Variants in VWF observed in about 807,000 individuals in gnomAD.
VWF encodes von Willebrand factor, also known as Factor VIII related antigen.
VWF carries 176 observed loss-of-function variants against 308.6 expected under a neutral mutation model. That is an observed-to-expected ratio of 0.57 (90% CI 0.50 to 0.65). The LOEUF (loss-of-function observed/expected upper bound fraction) is 0.65, where lower values mean the gene tolerates loss of function less well. VWF is among the 30% of genes least tolerant of loss of function. VWF has a pLI of 0.00. For synonymous variants in VWF, 1,385 were observed against 1,443.4 expected (o/e 0.96, Z 0.92); for missense variants, 3,146 against 3,648.2 (o/e 0.86, Z 3.55).
chr12:6,034,372 G>A (rs71582866), intron 20 of VWF, among the ~76,000 whole-genome samples: 1,934 of 152,314 alleles, frequency 0.013, 28 homozygotes, highest in African/African-American at 0.034. Flanking sequence ...AGAAGGAACA[G>A]ATGACTTTTT....
At chr12:6,018,291 G>A (rs191806885) in intron 28 of VWF, 74 bp downstream of exon 28, 192 of 1,534,908 alleles carry the variant, frequency 1.3e-4, no homozygotes, top group Non-Finnish European at 1.6e-4. Flanking sequence ...TCGTATCTTG[G>A]CAGATGCATG....
chr12:5,993,044 A>C (rs888069067), intron 37 of VWF, among the ~76,000 whole-genome samples: 2 of 152,186 alleles, frequency 1.3e-5, no homozygotes, highest in African/African-American at 4.8e-5. Context: ...CTAAGAGAAC[A>C]GTCCATCCAC....
intron 10 of VWF, among the ~76,000 whole-genome samples, chr12:6,065,706 C>T (rs1178293229): frequency 6.6e-6 from 1 of 152,040 alleles, no homozygotes; most frequent in Non-Finnish European, 1.5e-5. Flanking sequence ...TGCCCAATAG[C>T]ACAGGGTTCT....
chr12:6,018,202 G>T (rs1052432149), intron 28 of VWF, among the ~76,000 whole-genome samples, 163 bp downstream of exon 28: 2 of 152,220 alleles, frequency 1.3e-5, no homozygotes, highest in Non-Finnish European at 2.9e-5. Context: ...CTGCCAGGGA[G>T]GTGAGGAAAC....
intron 5 of VWF, among the ~76,000 whole-genome samples, chr12:6,103,545 T>C (rs558843651): frequency 7.2e-5 from 9 of 124,202 alleles, no homozygotes; most frequent in East Asian, 6.6e-4. Context: ...CATATATGTA[T>C]ACACACACAC....
intron 3 of VWF, among the ~76,000 whole-genome samples, chr12:6,118,540 C>T (rs756883420): frequency 6.6e-6 from 1 of 151,948 alleles, no homozygotes; most frequent in African/African-American, 2.4e-5. Flanking sequence ...GCACCCACCA[C>T]AACGCCTGGC....
In VWF at chr12:5,994,001, G is replaced by A. The variant is rs1352568365; in HGVS notation, c.6459C>T (p.Val2153=). ...TGGCATAGAATGTGGCTGGAGCCAGGACCTTGTGGCATTCAGCAAACAGTG... is the reference window on the plus strand; with the variant it reads ...TGGCATAGAATGTGGCTGGAGCCAGAACCTTGTGGCATTCAGCAAACAGTG... ...LLPLFAECHK[V]LAPATFYAIC... The change falls in exon 37 of 52, where the codon GTC becomes GTT. Residue 2153 remains valine (V), a synonymous_variant. Transcript: ENST00000261405. 1 of 1,614,220 alleles carries A rather than the reference G, an allele frequency of 6.2e-7. No individual in the cohort carries two copies. The highest frequency in any genetic ancestry group is 8.5e-7 in the Non-Finnish European group (1 of 1,180,054).
At chr12:6,042,398 T>A (rs1245510065) in intron 18 of VWF, among the ~76,000 whole-genome samples, 1 of 152,186 alleles carries the variant, frequency 6.6e-6, no homozygotes, top group Non-Finnish European at 1.5e-5. Context: ...AAACAGGGTG[T>A]TTCCAGGCCC....
chr12:6,119,033 G>A (rs572844274), intron 3 of VWF, among the ~76,000 whole-genome samples: 2 of 152,192 alleles, frequency 1.3e-5, no homozygotes, highest in African/African-American at 2.4e-5. Context: ...AGGCCATTCC[G>A]CCTCCTACCT....
At chr12:6,021,804 G>C in intron 27 of VWF, 96 bp downstream of exon 27, 1 of 1,427,286 alleles carries the variant, frequency 7.0e-7, no homozygotes, top group South Asian at 1.2e-5. Flanking sequence ...CTCAACTCAT[G>C]TGGCTAGGAC....
intron 34 of VWF, among the ~76,000 whole-genome samples, chr12:6,011,330 C>T (rs1565828365): frequency 6.6e-6 from 1 of 152,222 alleles, no homozygotes. Flanking sequence ...TGCCAACAGC[C>T]AAGCTGAGCA....
At chr12:6,057,798 G>A (rs1168098189) in intron 14 of VWF, 51 bp downstream of exon 14, 5 of 1,554,890 alleles carry the variant, frequency 3.2e-6, no homozygotes, top group Admixed American at 1.8e-5. Flanking sequence ...GCACTAATGT[G>A]GAGACCTCGA....
chr12:6,085,599 T>C (rs924347646), intron 6 of VWF, among the ~76,000 whole-genome samples: 1 of 152,040 alleles, frequency 6.6e-6, no homozygotes, highest in Non-Finnish European at 1.5e-5. Context: ...GCTTGGGTGC[T>C]AGGTCCTTAT....
chr12:5,985,024 T>A (rs1233730816), intron 40 of VWF, 21 bp downstream of exon 40: 2 of 1,613,024 alleles, frequency 1.2e-6, no homozygotes, highest in Non-Finnish European at 1.7e-6. Flanking sequence ...CCTGGAGACA[T>A]CCCCCTGGTG....
In VWF at chr12:5,966,023, T is replaced by C. The variant is rs148780692; in HGVS notation, c.7887+1463A>G. On this transcript the variant is annotated intron_variant, in intron 47 of 51. Transcript: ENST00000261405. ...GATTCTAAAGGTGGATTTCTCCAGA[T>C]ACGGAGGAAGCGGCTGTGGCTCCCT... is the stretch of plus-strand genomic sequence containing the variant. 1.9e-3 allele frequency among the ~76,000 whole-genome samples: 282 copies of C among 152,286 alleles called. 3 individuals carry two copies. Among genetic ancestry groups the C allele is most frequent in the African/African-American group, 6.5e-3 (270 of 41,556 alleles).
chr12:5,952,620 C>T, intron 48 of VWF, 101 bp from the exon 49 acceptor site: 1 of 1,477,350 alleles, frequency 6.8e-7, no homozygotes, highest in Non-Finnish European at 9.2e-7. Flanking sequence ...AAACAATCTG[C>T]AGAACCATGA....
At chr12:6,031,799 G>A (rs1166524401) in intron 20 of VWF, among the ~76,000 whole-genome samples, 3 of 149,864 alleles carry the variant, frequency 2.0e-5, no homozygotes, top group African/African-American at 7.4e-5. Context: ...GATGAGCCAG[G>A]TGCCTGCAGT....
intron 29 of VWF, 36 bp from the exon 30 acceptor site, chr12:6,016,692 C>G (rs775320245): frequency 6.2e-7 from 1 of 1,614,226 alleles, no homozygotes; most frequent in South Asian, 1.1e-5. Flanking sequence ...TATTTTGAAT[C>G]AAGTAGAGCC....
chr12:6,112,811 CACACACAG>C lies in VWF; in HGVS notation c.221-1851_221-1844del, dbSNP rs1157043371. ...AACTGAGGCTGCAGGAGGACAACCA[CACACACAG>C]ACACACAGACACACACACACACACA... On this transcript the variant is annotated intron_variant, in intron 3 of 51. Transcript: ENST00000261405. Among the ~76,000 whole-genome samples the C allele has an allele frequency of 5.5e-5, 8 of 145,506 alleles. No individual in the cohort carries two copies. In the East Asian group the frequency reaches 9.7e-4, roughly 18 times the overall value.
Sources: allele counts gnomAD v4.1 joint callset (sites outside exome capture counted in the v4.1 genomes callset), GRCh38; gene constraint gnomAD v4.1.1; transcripts MANE v1.5; gene names NCBI Gene and HGNC (gene_info 2026-07-23, HGNC 2026-07-21).